DNMBP: variants seen among roughly 807,000 people sequenced by gnomAD.
DNMBP encodes the protein dynamin binding protein, also known as dynamin-binding protein.
In DNMBP, 87 loss-of-function variants were observed where a neutral mutation model predicts 150.0. The observed-to-expected ratio is 0.58, with a 90% CI of 0.49 to 0.69. The LOEUF (loss-of-function observed/expected upper bound fraction) is 0.69. DNMBP is among the 30% of genes least tolerant of loss of function. The pLI, the probability that DNMBP is intolerant of heterozygous loss-of-function variation, is 0.00. For missense variants in DNMBP, 1,774 were observed against 1,949.0 expected (o/e 0.91, Z 1.69); for synonymous variants, 711 against 750.4 (o/e 0.95, Z 0.86).
At chr10:99,963,346 A>C (rs1476812433) in intron 3 of DNMBP, among the ~76,000 whole-genome samples, 6 of 150,944 alleles carry the variant, frequency 4.0e-5, no homozygotes, top group Non-Finnish European at 3.0e-5. Context: ...GCTGAGATTA[A>C]AGGTGTGGGT....
intron 7 of DNMBP, 130 bp from the exon 8 acceptor site, chr10:99,898,890 C>T: frequency 1.0e-6 from 1 of 957,086 alleles, no homozygotes; most frequent in East Asian, 2.5e-5. Flanking sequence ...CATATTTAGT[C>T]TACTAAAAAA....
intron 11 of DNMBP, among the ~76,000 whole-genome samples, chr10:99,892,237 A>G (rs2039583093): frequency 6.7e-6 from 1 of 148,406 alleles, no homozygotes; most frequent in East Asian, 2.0e-4. Context: ...CTGCCCGGCC[A>G]CCACCCCGTC....
intron 16 of DNMBP, among the ~76,000 whole-genome samples, chr10:99,879,165 G>A (rs1181537976): frequency 6.7e-6 from 1 of 148,674 alleles, no homozygotes; most frequent in Non-Finnish European, 1.5e-5. Context: ...CCATTACAAA[G>A]AGAATAGGAA....
intron 3 of DNMBP, among the ~76,000 whole-genome samples, chr10:99,966,449 G>A (rs12261896): frequency 0.041 from 6,244 of 152,298 alleles, 129 homozygotes; most frequent in South Asian, 0.086. Context: ...TCTTCAGACA[G>A]GTGACTCACG....
At chr10:99,919,836 G>T (rs1208932662) in intron 4 of DNMBP, among the ~76,000 whole-genome samples, 1 of 152,190 alleles carries the variant, frequency 6.6e-6, no homozygotes, top group Non-Finnish European at 1.5e-5. Flanking sequence ...AAAGCATTCT[G>T]TAGTTTCAGT....
At chr10:99,894,736 T>C (rs1170226148) in intron 11 of DNMBP, among the ~76,000 whole-genome samples, 1 of 152,138 alleles carries the variant, frequency 6.6e-6, no homozygotes, top group Middle Eastern at 3.2e-3. Flanking sequence ...GTGGAAAAAG[T>C]TGGGCTGCTT....
chr10:99,880,326 G>C lies in DNMBP; in HGVS notation c.4033C>G (p.Pro1345Ala). 1 of 1,607,886 alleles carries C rather than the reference G, an allele frequency of 6.2e-7. No individual in the cohort carries two copies. Among genetic ancestry groups the C allele is most frequent in the Non-Finnish European group, 8.5e-7 (1 of 1,177,650 alleles). ...KGFVYSSFLK[P>A]YNPRRSHSDA... The stretch of plus-strand genomic sequence containing the variant: ...GAGTGGCTGCGGCGAGGATTGTAGG[G>C]CTTTAGGAAAGAGCTGTACACGAAG... The change falls in exon 16 of 17, where the codon CCC (proline) becomes GCC (alanine). Residue 1345 changes from proline (P) to alanine (A), a missense_variant. This residue lies in a region of DNMBP where 1,430 missense variants were observed against 1,492.5 expected (regional missense o/e 0.96). Coordinates refer to ENST00000324109, the MANE Select transcript of DNMBP (RefSeq NM_015221.4).
intron 4 of DNMBP, among the ~76,000 whole-genome samples, chr10:99,915,233 A>ACACG (rs1470244298): frequency 3.3e-5 from 5 of 149,418 alleles, no homozygotes; most frequent in Non-Finnish European, 7.4e-5. Flanking sequence ...ACACACACAC[A>ACACG]CGCATATATA....
chr10:99,899,633 G>A (rs1342939783), intron 7 of DNMBP, among the ~76,000 whole-genome samples: 6 of 5,782 alleles, frequency 1.0e-3, no homozygotes, highest in South Asian at 0.016. Flanking sequence ...GTGAGACTCC[G>A]TCTCAAAAAA....
Position 99,917,756 on chromosome 10 carries a change from G to C in DNMBP, c.2261-8610C>G, listed in dbSNP as rs555155271. ...CGAGGCGGGTGGATCACGAGGTCAG[G>C]AGTTCGAGACCAGCCTGGCCAACAT... On this transcript the variant is annotated intron_variant, in intron 4 of 16. Coordinates refer to ENST00000324109, the MANE Select transcript of DNMBP (RefSeq NM_015221.4). Among the ~76,000 whole-genome samples, 5 of 151,960 alleles carry C rather than the reference G, an allele frequency of 3.3e-5. No homozygotes were observed. The South Asian group carries it at 1.0e-3, about 32-fold the overall frequency.
At chr10:99,988,672 A>T (rs1289612652) in intron 1 of DNMBP, among the ~76,000 whole-genome samples, 6 of 151,652 alleles carry the variant, frequency 4.0e-5, no homozygotes, top group Non-Finnish European at 8.8e-5. Context: ...TTATTTATTT[A>T]TTTATTTGAG....
Position 99,955,798 on chromosome 10 carries a change from A to G in DNMBP, c.1676T>C (p.Phe559Ser). 6.2e-7 allele frequency: 1 copy of G among 1,614,220 alleles called. No individual in the cohort carries two copies. The highest frequency in any genetic ancestry group is 8.5e-7 in the Non-Finnish European group (1 of 1,180,038). The change falls in exon 4 of 17, where the codon TTT (phenylalanine) becomes TCT (serine). Residue 559 changes from phenylalanine to serine, a missense_variant. This residue lies in a region of DNMBP where 1,430 missense variants were observed against 1,492.5 expected (regional missense o/e 0.96). Coordinates refer to ENST00000324109, the MANE Select transcript of DNMBP (RefSeq NM_015221.4). Reference protein sequence around the residue: ...DSKLTQQLIEFEKSLAGPGTE... With the variant: ...DSKLTQQLIESEKSLAGPGTE... ...GCCGGGCCCTGCCAAGCTCTTCTCA[A>G]ACTCGATCAGCTGTTGTGTCAGCTT...
At chr10:99,963,143 A>G (rs2040582058) in intron 3 of DNMBP, among the ~76,000 whole-genome samples, 1 of 151,958 alleles carries the variant, frequency 6.6e-6, no homozygotes, top group Non-Finnish European at 1.5e-5. Flanking sequence ...ATCACTGCTC[A>G]TTGTAGCCTT....
intron 4 of DNMBP, among the ~76,000 whole-genome samples, chr10:99,936,136 T>C (rs2040227646): frequency 6.6e-6 from 1 of 152,196 alleles, no homozygotes; most frequent in Non-Finnish European, 1.5e-5. Flanking sequence ...TATAATCAGA[T>C]AATCAAGAGT....
At position 99,888,918 on chromosome 10, in the gene DNMBP, G is replaced by C; in HGVS notation, c.3192C>G (p.Ser1064Arg). 6.2e-7 allele frequency: 1 copy of C among 1,614,158 alleles called. No individual in the cohort carries two copies. Among genetic ancestry groups the C allele is most frequent in the East Asian group, 2.2e-5 (1 of 44,880 alleles). Residue 1064 changes from serine (S) to arginine (R), a missense_variant, in exon 12 of 17, where the codon AGC becomes AGG. This residue lies in a region of DNMBP where 1,430 missense variants were observed against 1,492.5 expected (regional missense o/e 0.96). Transcript: ENST00000324109. ...SACVKVVAAV[S>R]MWDVCMERGH... ...CTCTCTCCATGCACACATCCCACAT[G>C]CTCACAGCAGCCACCACTTTCACAC...
Position 99,956,121 on chromosome 10 carries a change from T to C in DNMBP, c.1353A>G (p.Ala451=). Residue 451 remains alanine (A), a synonymous_variant, in exon 4 of 17, where the codon GCA becomes GCG. Transcript: ENST00000324109. The part of the protein sequence containing the change: ...EQYPDLLPLE[A]RTRDYASLPP... Reference sequence around the variant, plus strand: ...GTAGGCTGGCATAGTCTCTAGTCCTTGCTTCTAGGGGAAGAAGGTCGGGGT... The same window carrying C: ...GTAGGCTGGCATAGTCTCTAGTCCTCGCTTCTAGGGGAAGAAGGTCGGGGT... 6.2e-7 allele frequency: 1 copy of C among 1,614,176 alleles called. No homozygotes were observed. The highest frequency in any genetic ancestry group is 8.5e-7 in the Non-Finnish European group (1 of 1,180,020).
At position 99,955,277 on chromosome 10, in the gene DNMBP, C is replaced by T. The variant is rs748701617; in HGVS notation, c.2197G>A (p.Glu733Lys). Residue 733 changes from glutamate to lysine, a missense_variant, in exon 4 of 17, where the codon GAG becomes AAG. Physicochemically the swap from Glu to Lys is moderately conservative, Grantham distance 56 (BLOSUM62 1). Around this residue, in one of 2 missense-constraint regions of DNMBP, gnomAD observed 1,430 missense variants for 1,492.5 expected, o/e 0.96. Coordinates refer to ENST00000324109, the MANE Select transcript of DNMBP (RefSeq NM_015221.4). ...TTACTTTCACAGAACTTGAGATCCT[C>T]GAGGGTCTCTGCTCTTGATGATTCA... ...QDESSRAETL[E>K]DLKFCESNIE... The T allele has an allele frequency of 5.6e-6, 9 of 1,613,944 alleles. No individual in the cohort carries two copies. Among genetic ancestry groups the T allele is most frequent in the Middle Eastern group, 1.6e-4 (1 of 6,084 alleles).
intron 1 of DNMBP, among the ~76,000 whole-genome samples, chr10:99,972,452 C>T (rs775980518): frequency 5.9e-5 from 9 of 151,688 alleles, no homozygotes; most frequent in Non-Finnish European, 1.0e-4. Flanking sequence ...TGTATTTTTA[C>T]TAGAGGCAGG....
chr10:99,967,630 T>C (rs2040632293), intron 3 of DNMBP, among the ~76,000 whole-genome samples: 1 of 152,132 alleles, frequency 6.6e-6, no homozygotes, highest in Admixed American at 6.6e-5. Flanking sequence ...ATTCCATTCT[T>C]ATCACTAAGG....
Sources: allele counts gnomAD v4.1 joint callset (sites outside exome capture counted in the v4.1 genomes callset), GRCh38; gene constraint gnomAD v4.1.1; regional missense constraint gnomAD v4.1.1; transcripts MANE v1.5; gene names NCBI Gene and HGNC (gene_info 2026-07-23, HGNC 2026-07-21).